The following METTL15 variants were observed in gnomAD, a reference collection of about 807,000 sequenced individuals.
METTL15 encodes 12S rRNA N(4)-cytidine methyltransferase METTL15.
Under a neutral mutation model 38.3 loss-of-function variants are expected in METTL15, and 34 were observed. The observed-to-expected ratio is 0.89, with a 90% CI of 0.68 to 1.18. The LOEUF is 1.18. Ranked by LOEUF, METTL15 falls within the 50% of genes most tolerant of loss-of-function variation. The probability of loss-of-function intolerance (pLI) is 0.00; values close to 1 mark genes in which losing one functional copy is unlikely to be tolerated. For synonymous variants in METTL15, 162 were observed against 170.9 expected (o/e 0.95, Z 0.41); for missense variants, 438 against 498.4 (o/e 0.88, Z 1.15).
intron 3 of METTL15, among the ~76,000 whole-genome samples, chr11:28,202,212 A>G (rs1852142023): frequency 1.3e-5 from 2 of 152,000 alleles, no homozygotes; most frequent in Admixed American, 1.3e-4. Context: ...CCTAAATTAA[A>G]GTGGGGGTGG....
chr11:28,234,491 G>T (rs1365045311), intron 4 of METTL15, among the ~76,000 whole-genome samples: 2 of 151,268 alleles, frequency 1.3e-5, no homozygotes, highest in East Asian at 3.9e-4. Context: ...TTTAATGATT[G>T]CCATTCTAAC....
At chr11:28,486,107 G>A (rs1157123110) in intron 6 of METTL15, among the ~76,000 whole-genome samples, 2 of 152,188 alleles carry the variant, frequency 1.3e-5, no homozygotes, top group African/African-American at 4.8e-5. Flanking sequence ...GCTATGAGAA[G>A]GGGAGTATCA....
At chr11:28,345,040 A>G (rs887738516) in intron 3 of METTL15, among the ~76,000 whole-genome samples, 2 of 152,244 alleles carry the variant, frequency 1.3e-5, no homozygotes, top group African/African-American at 2.4e-5. Flanking sequence ...GCACATCTCA[A>G]TTTGGACTAC....
chr11:28,358,888 A>T (rs1850112037), intron 4 of METTL15, among the ~76,000 whole-genome samples: 2 of 152,204 alleles, frequency 1.3e-5, no homozygotes, highest in African/African-American at 4.8e-5. Flanking sequence ...AGAAAATTTT[A>T]GTTTTAAATT....
chr11:28,449,782 T>G (rs1851105310), intron 6 of METTL15, among the ~76,000 whole-genome samples: 1 of 152,036 alleles, frequency 6.6e-6, no homozygotes, highest in Admixed American at 6.6e-5. Flanking sequence ...ACTACCTTTC[T>G]AGAGGGGCAA....
At chr11:28,512,329 GC>G (rs1405254889) in intron 6 of METTL15, among the ~76,000 whole-genome samples, 5 of 152,210 alleles carry the variant, frequency 3.3e-5, no homozygotes, top group Admixed American at 1.3e-4. Flanking sequence ...CACGCAGTGC[GC>G]CCGCACTCCT....
At chr11:28,155,513 C>T (rs1003653961) in intron 3 of METTL15, among the ~76,000 whole-genome samples, 1 of 152,170 alleles carries the variant, frequency 6.6e-6, no homozygotes, top group African/African-American at 2.4e-5. Context: ...CTTCCCACCT[C>T]TGCCAGGTTT....
intron 5 of METTL15, among the ~76,000 whole-genome samples, chr11:28,370,211 C>T (rs1327224989): frequency 6.6e-6 from 1 of 151,986 alleles, no homozygotes; most frequent in Admixed American, 6.6e-5. Flanking sequence ...CACTTCATCC[C>T]CCCATCTCCC....
chr11:28,399,108 C>A (rs540260598), intron 5 of METTL15: 21 of 152,094 alleles, frequency 1.4e-4, no homozygotes, highest in African/African-American at 4.6e-4. Context: ...GAGATATAGA[C>A]CAATGAAACA....
At chr11:28,265,590 G>A (rs1855381688) in intron 4 of METTL15, among the ~76,000 whole-genome samples, 1 of 151,824 alleles carries the variant, frequency 6.6e-6, no homozygotes, top group Non-Finnish European at 1.5e-5. Context: ...CTTATATCAT[G>A]TCAATCAATT....
intron 5 of METTL15, among the ~76,000 whole-genome samples, chr11:28,380,423 C>G (rs1373028817): frequency 6.6e-6 from 1 of 152,134 alleles, no homozygotes; most frequent in African/African-American, 2.4e-5. Context: ...CTGACTCACC[C>G]TCCCAACACT....
At chr11:28,340,781 G>T (rs540975794) in intron 3 of METTL15, among the ~76,000 whole-genome samples, 2 of 152,282 alleles carry the variant, frequency 1.3e-5, no homozygotes, top group South Asian at 4.1e-4. Flanking sequence ...CAAGGATCTA[G>T]AACCAGAAAT....
At position 28,174,585 on chromosome 11, in the gene METTL15, C is replaced by T. The variant is rs372780464; in HGVS notation, c.271-36477C>T. On this transcript the variant is annotated intron_variant, in intron 3 of 6. Transcript: ENST00000407364. ...ATCTCAGCACTTTGGGAGGCTGAGG[C>T]GGGCATATCACGAGGTCAGGAGATT... 5.3e-5 allele frequency among the ~76,000 whole-genome samples: 8 copies of T among 151,902 alleles called. No individual in the cohort carries two copies. The East Asian group carries it at 1.2e-3, about 22-fold the overall frequency.
intron 5 of METTL15, among the ~76,000 whole-genome samples, chr11:28,378,309 C>G (rs958146350): frequency 5.9e-5 from 9 of 152,234 alleles, no homozygotes; most frequent in African/African-American, 1.4e-4. Flanking sequence ...ATCAGCGATA[C>G]TCCGTGGGGT....
chr11:28,476,686 C>T (rs2133468800), intron 6 of METTL15, among the ~76,000 whole-genome samples: 1 of 152,312 alleles, frequency 6.6e-6, no homozygotes, highest in South Asian at 2.1e-4. Flanking sequence ...GTTGTTACCA[C>T]AGGACCCAGG....
intron 6 of METTL15, among the ~76,000 whole-genome samples, chr11:28,452,383 T>G (rs933469984): frequency 6.6e-6 from 1 of 152,210 alleles, no homozygotes; most frequent in Non-Finnish European, 1.5e-5. Flanking sequence ...TTCTGTAAAA[T>G]CAATTGCTTT....
At chr11:28,289,167 A>G (rs1856409214) in intron 4 of METTL15, among the ~76,000 whole-genome samples, 1 of 152,132 alleles carries the variant, frequency 6.6e-6, no homozygotes. Flanking sequence ...AGTGGCACCC[A>G]TCAGATTATT....
intron 6 of METTL15, among the ~76,000 whole-genome samples, chr11:28,490,135 A>C (rs1427236557): frequency 6.6e-6 from 1 of 152,148 alleles, no homozygotes; most frequent in African/African-American, 2.4e-5. Flanking sequence ...TCTTTTCAGT[A>C]GTTGAGGTGT....
At chr11:28,378,365 C>T (rs532069323) in intron 5 of METTL15, among the ~76,000 whole-genome samples, 33 of 152,298 alleles carry the variant, frequency 2.2e-4, no homozygotes, top group African/African-American at 7.0e-4. Flanking sequence ...TGGTGCATCG[C>T]TTTTTAAGCC....
Sources: allele counts gnomAD v4.1 joint callset (sites outside exome capture counted in the v4.1 genomes callset), GRCh38; gene constraint gnomAD v4.1.1; transcripts MANE v1.5; gene names NCBI Gene and HGNC (gene_info 2026-07-23, HGNC 2026-07-21).